SLC25A43: variants seen among roughly 807,000 people sequenced by gnomAD.
SLC25A43 encodes solute carrier family 25, member 43.
A neutral mutation model predicts 22.8 loss-of-function variants in SLC25A43; 10 were observed. That is an observed-to-expected ratio of 0.44 (90% CI 0.27 to 0.74). The LOEUF (loss-of-function observed/expected upper bound fraction) is 0.74. Ranked by LOEUF, SLC25A43 falls within the 30% of genes least tolerant of loss-of-function variation. The pLI is 0.17. For synonymous variants in SLC25A43, 106 were observed against 121.6 expected, an observed-to-expected ratio of 0.87 and a Z score of 0.84; for missense variants, 233 against 279.1, an observed-to-expected ratio of 0.83 and a Z score of 1.18.
chrX:119,410,470 G>A, intron 3 of SLC25A43, 108 bp downstream of exon 3: 1 of 832,864 alleles, frequency 1.2e-6, no homozygotes, highest in South Asian at 2.5e-5. Flanking sequence ...TTTCCAAGGA[G>A]CTTCTGACTG....
rs1488446792 is a variant in SLC25A43, at chrX:119,444,718, A to G, written c.691-7291A>G. Among the ~76,000 whole-genome samples the G allele has an allele frequency of 4.7e-4, 48 of 102,740 alleles. 1 individual carries two copies. The highest frequency in any genetic ancestry group is 8.2e-4 in the African/African-American group (23 of 27,962). 89.2% of individuals were successfully genotyped at this position (102,740 alleles called of 115,157 possible). A position where few individuals can be genotyped will look rare whatever the true frequency, so the allele number is the denominator to read the frequency against. On this transcript the variant is annotated intron_variant, in intron 3 of 4. Transcript: ENST00000217909. ...AACTGTGTCTCAAAAAAAAAAAAAA[A>G]AGAAGAAATTGAAGCTCAGAGAAGT...
intron 1 of SLC25A43, among the ~76,000 whole-genome samples, chrX:119,406,010 C>T (rs1412609746): frequency 6.4e-5 from 7 of 109,120 alleles, no homozygotes; most frequent in Non-Finnish European, 1.1e-4. Flanking sequence ...CCAGCCTGGC[C>T]AACAAAGTGA....
intron 3 of SLC25A43, chrX:119,422,781 T>G (rs1192580972): frequency 8.9e-6 from 1 of 112,087 alleles, no homozygotes; most frequent in Non-Finnish European, 1.9e-5. Context: ...TGCACTGTCT[T>G]CCATCTCCTA....
At chrX:119,399,941 G>T (rs148403313) in intron 1 of SLC25A43, among the ~76,000 whole-genome samples, 2,749 of 112,648 alleles carry the variant, frequency 0.024, 35 homozygotes, top group Middle Eastern at 0.046. Flanking sequence ...GAGGCTTTCC[G>T]GATTGGACCG....
intron 1 of SLC25A43, among the ~76,000 whole-genome samples, chrX:119,404,761 GGAA>G (rs1168307924): frequency 9.0e-6 from 1 of 111,054 alleles, no homozygotes; most frequent in African/African-American, 3.3e-5. Context: ...GGGTCACACT[GGAA>G]GAAGAATTGT....
At chrX:119,423,539 AAAAGAAAAG>A (rs1197352184) in intron 3 of SLC25A43, 1 of 59,157 alleles carries the variant, frequency 1.7e-5, no homozygotes, top group Non-Finnish European at 3.0e-5. Flanking sequence ...AAAAAAAAAA[AAAAGAAAAG>A]AAAGAAAAGG....
intron 3 of SLC25A43, among the ~76,000 whole-genome samples, chrX:119,417,719 A>C (rs2052417226): frequency 9.1e-6 from 1 of 109,394 alleles, no homozygotes; most frequent in South Asian, 4.1e-4. Context: ...CAAATAATGC[A>C]TATATAGAGC....
rs1010043558 is a variant in SLC25A43 at position 119,433,451 on chromosome X, T to C, written c.691-18558T>C. 3.6e-5 allele frequency among the ~76,000 whole-genome samples: 4 copies of C among 112,105 alleles called. No individual in the cohort carries two copies. In the Admixed American group the frequency reaches 3.8e-4, roughly 11 times the overall value. ...CTAGTGTTTTTCCCAAATAGCTGGG[T>C]ACTGTGGCCTAACCAAGTTGACATA... is the stretch of plus-strand genomic sequence containing the variant. On this transcript the variant is annotated intron_variant, in intron 3 of 4. Coordinates refer to ENST00000217909, the MANE Select transcript of SLC25A43 (RefSeq NM_145305.3).
At chrX:119,416,704 C>G (rs2052404471) in intron 3 of SLC25A43, among the ~76,000 whole-genome samples, 1 of 111,935 alleles carries the variant, frequency 8.9e-6, no homozygotes, top group Non-Finnish European at 1.9e-5. Flanking sequence ...ATCTTTTATT[C>G]AGAGACACAG....
intron 1 of SLC25A43, among the ~76,000 whole-genome samples, chrX:119,404,383 G>A (rs1335104664): frequency 6.3e-5 from 7 of 111,427 alleles, no homozygotes; most frequent in African/African-American, 2.0e-4. Flanking sequence ...TTGCTAGTGC[G>A]GCTCACAGAA....
intron 3 of SLC25A43, among the ~76,000 whole-genome samples, chrX:119,414,658 C>T (rs1366344791): frequency 9.0e-6 from 1 of 111,504 alleles, no homozygotes; most frequent in Non-Finnish European, 1.9e-5. Flanking sequence ...TCTGACTTTG[C>T]TTTTGTGCTT....
At chrX:119,428,460 A>T (rs1331394081) in intron 3 of SLC25A43, among the ~76,000 whole-genome samples, 1 of 111,914 alleles carries the variant, frequency 8.9e-6, no homozygotes, top group Non-Finnish European at 1.9e-5. Flanking sequence ...TCTCAAAAAA[A>T]AAAATGTATC....
chrX:119,405,671 G>A (rs941143415), intron 1 of SLC25A43, among the ~76,000 whole-genome samples: 3 of 108,598 alleles, frequency 2.8e-5, no homozygotes, highest in African/African-American at 1.0e-4. Flanking sequence ...TCAGGAGGCT[G>A]AGGTGGGAGG....
At chrX:119,400,408 G>A (rs1033118621) in intron 1 of SLC25A43, among the ~76,000 whole-genome samples, 55 of 111,664 alleles carry the variant, frequency 4.9e-4, no homozygotes, top group African/African-American at 1.7e-3. Flanking sequence ...GAGCTCAGAG[G>A]TACCTGCATT....
chrX:119,416,479 A>T (rs1400737142), intron 3 of SLC25A43, among the ~76,000 whole-genome samples: 1 of 112,452 alleles, frequency 8.9e-6, no homozygotes, highest in Admixed American at 9.4e-5. Flanking sequence ...TTGGCCTCCC[A>T]AAGTGCTGGG....
chrX:119,417,520 A>C (rs774735765), intron 3 of SLC25A43, among the ~76,000 whole-genome samples: 1 of 111,384 alleles, frequency 9.0e-6, no homozygotes, highest in Admixed American at 9.6e-5. Flanking sequence ...CATAAACCTT[A>C]GTTTTGCTTT....
intron 3 of SLC25A43, among the ~76,000 whole-genome samples, chrX:119,410,668 C>A (rs1186772893): frequency 2.7e-5 from 3 of 110,785 alleles, no homozygotes; most frequent in African/African-American, 9.9e-5. Context: ...GCGGGTGGAT[C>A]ACTTGAGGTC....
intron 3 of SLC25A43, among the ~76,000 whole-genome samples, chrX:119,429,274 T>TGGA (rs2052534292): frequency 9.0e-6 from 1 of 110,726 alleles, no homozygotes; most frequent in African/African-American, 3.3e-5. Context: ...ATGGTCTCCA[T>TGGA]CTCCTGACCT....
At chrX:119,441,183 C>G (rs1364930378) in intron 3 of SLC25A43, among the ~76,000 whole-genome samples, 1 of 41,985 alleles carries the variant, frequency 2.4e-5, no homozygotes, top group East Asian at 6.1e-4. Context: ...TGCGCCGTTT[C>G]TTAAGCCGGT....
Sources: gnomAD v4.1 joint callset for allele counts (sites outside exome capture counted in the v4.1 genomes callset) on GRCh38, gnomAD v4.1.1 for gene constraint, MANE v1.5 for transcripts, NCBI Gene and HGNC (gene_info 2026-07-23, HGNC 2026-07-21) for gene names.